NUCB2: variants seen among roughly 807,000 people sequenced by gnomAD.
The protein encoded by NUCB2 is nucleobindin-2.
A neutral mutation model predicts 57.9 loss-of-function variants in NUCB2; 48 were observed. The ratio of observed to expected loss-of-function variants is 0.83; its 90% CI spans 0.66 to 1.05. The LOEUF is 1.05. NUCB2 is among the 50% of genes least tolerant of loss of function. The pLI is 0.00. For missense variants in NUCB2, 442 were observed against 476.2 expected (o/e 0.93, Z 0.67); for synonymous variants, 139 against 152.1 (o/e 0.91, Z 0.64).
chr11:17,312,273 T>A (rs906133086), intron 10 of NUCB2, among the ~76,000 whole-genome samples, 153 bp downstream of exon 10: 11 of 152,068 alleles, frequency 7.2e-5, no homozygotes, highest in Non-Finnish European at 1.6e-4. Context: ...CTTACTCTGT[T>A]GCCCAGGCTG....
intron 2 of NUCB2, among the ~76,000 whole-genome samples, chr11:17,348,647 A>ATT (rs34438900): frequency 6.6e-5 from 10 of 151,168 alleles, no homozygotes; most frequent in Middle Eastern, 3.6e-3. Context: ...GCCTAGACAG[A>ATT]TTTTTTGAAG....
At chr11:17,303,440 A>G (rs957407020) in intron 5 of NUCB2, among the ~76,000 whole-genome samples, 4 of 152,254 alleles carry the variant, frequency 2.6e-5, no homozygotes, top group African/African-American at 9.6e-5. Flanking sequence ...GGAGAAAAAA[A>G]TCTTTAAAAT....
chr11:17,292,392 G>T (rs1945088011), intron 2 of NUCB2, among the ~76,000 whole-genome samples: 1 of 152,134 alleles, frequency 6.6e-6, no homozygotes, highest in Admixed American at 6.6e-5. Context: ...TTGTAGGTGA[G>T]GTTGGTAAAT....
chr11:17,330,382 T>A lies in NUCB2; in HGVS notation c.1173+85T>A. ...TGTGTTTTTGTAACATATTTCATTGTACTATATAGTACACTGCTATAGCTA... is the reference window on the plus strand; with the variant it reads ...TGTGTTTTTGTAACATATTTCATTGAACTATATAGTACACTGCTATAGCTA... On this transcript the variant is annotated intron_variant, in intron 12 of 13. Coordinates refer to ENST00000529010, the MANE Select transcript of NUCB2 (RefSeq NM_005013.4). This position sits in a 1 kb window ranked among gnomAD's most constrained non-coding sequence, Gnocchi z 4.3. 2.3e-6 allele frequency: 2 copies of A among 887,374 alleles called. No homozygotes were observed. Among genetic ancestry groups the A allele is most frequent in the Non-Finnish European group, 3.4e-6 (2 of 582,500 alleles). The allele number at this position is 887,374 out of a possible 1,614,324, so 55.0% of individuals were successfully genotyped here.
At chr11:17,319,932 C>T (rs1949791184) in intron 11 of NUCB2, among the ~76,000 whole-genome samples, 1 of 152,158 alleles carries the variant, frequency 6.6e-6, no homozygotes, top group South Asian at 2.1e-4. Flanking sequence ...TTGTTCCTCA[C>T]TATGTGTCCA....
chr11:17,338,208 T>C (rs550536524), intron 2 of NUCB2, among the ~76,000 whole-genome samples: 1 of 152,308 alleles, frequency 6.6e-6, no homozygotes, highest in Admixed American at 6.5e-5. Flanking sequence ...TTTAGGAATT[T>C]AGATTTTTTC....
Position 17,309,556 on chromosome 11 carries a change from T to C in NUCB2, c.380-16T>C. 7.1e-7 allele frequency: 1 copy of C among 1,403,302 alleles called. No homozygotes were observed. Among genetic ancestry groups the C allele is most frequent in the Non-Finnish European group, 9.8e-7 (1 of 1,022,330 alleles). 86.9% of individuals were successfully genotyped at this position (1,403,302 alleles called of 1,614,324 possible). On this transcript the variant is annotated splice_polypyrimidine_tract_variant and intron_variant, in intron 5 of 13. Transcript: ENST00000529010. ...TCTAGAAATTGATCATTTACAGTTT[T>C]CTTATTTTCTTTCAGATATAGGCAT...
At position 17,310,847 on chromosome 11, in the gene NUCB2, A is replaced by G; in HGVS notation, c.506A>G (p.Tyr169Cys). The G allele has an allele frequency of 1.3e-6, 2 of 1,587,104 alleles. No homozygotes were observed. Among genetic ancestry groups the G allele is most frequent in the African/African-American group, 1.4e-5 (1 of 72,952 alleles). ...CAGGCAACAAGTGATCTGGAACACT[A>G]TGACAAGACTCGTCATGAAGAATTT... is the stretch of plus-strand genomic sequence containing the variant. ...IKAATSDLEH[Y>C]DKTRHEEFKK... The change falls in exon 7 of 14, where the codon TAT (tyrosine) becomes TGT (cysteine). Residue 169 changes from tyrosine to cysteine, a missense_variant. Transcript: ENST00000529010.
intron 11 of NUCB2, among the ~76,000 whole-genome samples, chr11:17,326,578 C>T (rs1028733441): frequency 1.3e-5 from 2 of 152,168 alleles, no homozygotes; most frequent in South Asian, 2.1e-4. Flanking sequence ...CTCGGCCTCC[C>T]AAAGTGCTGG....
chr11:17,301,280 T>C (rs1202378827), intron 4 of NUCB2, among the ~76,000 whole-genome samples: 3 of 136,510 alleles, frequency 2.2e-5, no homozygotes, highest in African/African-American at 8.4e-5. Flanking sequence ...GCCTTTTTTT[T>C]TTTTTTTTTT....
At chr11:17,302,854 C>T (rs1462553231) in intron 5 of NUCB2, among the ~76,000 whole-genome samples, 1 of 152,100 alleles carries the variant, frequency 6.6e-6, no homozygotes, top group Non-Finnish European at 1.5e-5. Flanking sequence ...ATTCTCCTGC[C>T]TCAGCCTCCC....
intron 3 of NUCB2, among the ~76,000 whole-genome samples, chr11:17,295,762 G>A (rs1945725549): frequency 6.6e-6 from 1 of 152,082 alleles, no homozygotes; most frequent in Non-Finnish European, 1.5e-5. Flanking sequence ...ACACAGACCT[G>A]ACTAGCCAAG....
chr11:17,319,858 T>C (rs1949780954), intron 11 of NUCB2, among the ~76,000 whole-genome samples: 1 of 152,116 alleles, frequency 6.6e-6, no homozygotes, highest in Non-Finnish European at 1.5e-5. Context: ...TCATACCCAT[T>C]AGTTATTTTT....
intron 2 of NUCB2, among the ~76,000 whole-genome samples, chr11:17,342,787 C>G (rs1189780973): frequency 2.7e-5 from 4 of 150,898 alleles, no homozygotes; most frequent in African/African-American, 7.3e-5. Flanking sequence ...AATGTATATT[C>G]TGTTGATTTG....
rs1952180045 is a variant in NUCB2, at chr11:17,340,619, T to C, written n.2626+3085T>C. Reference sequence around the variant, plus strand: ...TATTAAATAGGGAATCCTTTCCCCATTTCTTGTTTTTGTCAGGTTTGACAA... The same window carrying C: ...TATTAAATAGGGAATCCTTTCCCCACTTCTTGTTTTTGTCAGGTTTGACAA... On this transcript the variant is annotated intron_variant and non_coding_transcript_variant, in intron 2 of 2. Transcript: ENST00000532240. Among the ~76,000 whole-genome samples the C allele has an allele frequency of 2.6e-5, 4 of 152,206 alleles. No homozygotes were observed. In the South Asian group the frequency reaches 8.3e-4, roughly 32 times the overall value.
intron 2 of NUCB2, among the ~76,000 whole-genome samples, chr11:17,291,954 T>C (rs564655216): frequency 9.2e-5 from 14 of 152,312 alleles, no homozygotes; most frequent in Admixed American, 8.5e-4. Context: ...ATATTTAGTT[T>C]AAAGGCATTT....
chr11:17,288,186 A>G (rs1944116869), intron 2 of NUCB2, among the ~76,000 whole-genome samples: 1 of 152,260 alleles, frequency 6.6e-6, no homozygotes, highest in South Asian at 2.1e-4. Flanking sequence ...TTATGTGTGC[A>G]TAAAAATGAT....
intron 2 of NUCB2, among the ~76,000 whole-genome samples, chr11:17,339,048 C>T (rs552747719): frequency 2.0e-5 from 3 of 151,774 alleles, no homozygotes; most frequent in African/African-American, 4.8e-5. Flanking sequence ...AGTGCAGTGG[C>T]GCAATCTTGC....
chr11:17,312,272 T>A, intron 10 of NUCB2, 152 bp downstream of exon 10: 2 of 538,488 alleles, frequency 3.7e-6, no homozygotes, highest in Non-Finnish European at 6.5e-6. Flanking sequence ...TCTTACTCTG[T>A]TGCCCAGGCT....
Sources: gnomAD v4.1 joint callset for allele counts (sites outside exome capture counted in the v4.1 genomes callset) on GRCh38, gnomAD v4.1.1 for gene constraint, Gnocchi (gnomAD v3.1) non-coding constraint, MANE v1.5 for transcripts, NCBI Gene and HGNC (gene_info 2026-07-23, HGNC 2026-07-21) for gene names.